Variants in TRIP13 observed in about 807,000 individuals in gnomAD.
The protein encoded by TRIP13 is pachytene checkpoint protein 2 homolog.
A neutral mutation model predicts 54.4 loss-of-function variants in TRIP13; 25 were observed. The observed-to-expected ratio is 0.46, with a 90% CI of 0.33 to 0.64. The LOEUF is 0.64. TRIP13 is among the 30% of genes least tolerant of loss of function. TRIP13 has a pLI of 0.02. For synonymous variants in TRIP13, 207 were observed against 207.8 expected (o/e 1.00, Z 0.03); for missense variants, 373 against 534.2 (o/e 0.70, Z 2.97).
In TRIP13 at chr5:907,005, G is replaced by T. The variant is rs1754128261; in HGVS notation, c.609-125G>T. 3 of 728,946 alleles carry T rather than the reference G, an allele frequency of 4.1e-6. No homozygotes were observed. The highest frequency in any genetic ancestry group is 7.2e-6 in the Non-Finnish European group (3 of 418,722). The allele number at this position is 728,946 out of a possible 1,614,324, so 45.2% of individuals were successfully genotyped here. A position where few individuals can be genotyped will look rare whatever the true frequency, so the allele number is the denominator to read the frequency against. On this transcript the variant is annotated intron_variant, in intron 6 of 12. Transcript: ENST00000166345. This position sits in a 1 kb window ranked among gnomAD's most constrained non-coding sequence, Gnocchi z 4.1. ...GGAGGGCTGGATTCCTCAATTCTTT[G>T]TCAGTAATTGTAATTCCCCCGATGC...
At chr5:901,282 TCTTGGGGACCTTTGC>T in intron 4 of TRIP13, 44 bp from the exon 5 acceptor site, 1 of 1,549,082 alleles carries the variant, frequency 6.5e-7, no homozygotes, top group Non-Finnish European at 8.9e-7. Flanking sequence ...AGGGCACATT[TCTTGGGGACCTTTGC>T]CTTGTTGGTA....
intron 5 of TRIP13, 63 bp downstream of exon 5, chr5:901,494 C>A: frequency 6.6e-7 from 1 of 1,504,642 alleles, no homozygotes; most frequent in Non-Finnish European, 9.2e-7. Context: ...TTACTTGTAC[C>A]TTCGTCCTTC....
rs1056907188 is a variant in TRIP13 at position 915,563 on chromosome 5, C to T, written c.1134-341C>T. Among the ~76,000 whole-genome samples, 6 of 151,318 alleles carry T rather than the reference C, an allele frequency of 4.0e-5. No individual in the cohort carries two copies. Among genetic ancestry groups the T allele is most frequent in the African/African-American group, 4.8e-5 (2 of 41,274 alleles). On this transcript the variant is annotated intron_variant, in intron 11 of 12. Transcript: ENST00000166345. This position sits in a 1 kb window ranked among gnomAD's most constrained non-coding sequence, Gnocchi z 4.2. ...GATGCTGGCCCTGGGGCAGAGGCTC[C>T]CGGGCAGGTGATGCCTTCCCTGAGC...
intron 9 of TRIP13, among the ~76,000 whole-genome samples, chr5:910,461 G>A (rs920500952): frequency 2.0e-5 from 3 of 152,086 alleles, no homozygotes; most frequent in Admixed American, 6.5e-5. Context: ...TAGATGCCCG[G>A]GATGCCAGGC....
chr5:907,127 CA>C lies in TRIP13; in HGVS notation c.609-2del. 2 of 1,613,566 alleles carry C rather than the reference CA, an allele frequency of 1.2e-6. No homozygotes were observed. The highest frequency in any genetic ancestry group is 2.2e-5 in the South Asian group (2 of 90,970). On this transcript the variant is annotated splice_acceptor_variant, in intron 6 of 12. Transcript: ENST00000166345. LOFTEE classifies it high-confidence loss of function. This position sits in a 1 kb window ranked among gnomAD's most constrained non-coding sequence, Gnocchi z 4.1. ...TTCTCTCAACTCCTTTTTTCTATCT[CA>C]GGTACCGATATGGCCAATTAATTGA...
rs780114634 is a variant in TRIP13 at position 911,832 on chromosome 5, G to A, written c.867-11G>A. On this transcript the variant is annotated splice_polypyrimidine_tract_variant and intron_variant, in intron 9 of 12. Coordinates refer to ENST00000166345, the MANE Select transcript of TRIP13 (RefSeq NM_004237.4). This position sits in a 1 kb window ranked among gnomAD's most constrained non-coding sequence, Gnocchi z 4.7. ...GTGATGACTGTGGTGCTTGCTTCTC[G>A]GCCACAACAGGCATTCCAATGTTGT... 4 of 1,603,182 alleles carry A rather than the reference G, an allele frequency of 2.5e-6. No homozygotes were observed. Among genetic ancestry groups the A allele is most frequent in the Non-Finnish European group, 3.4e-6 (4 of 1,175,330 alleles).
Position 907,894 on chromosome 5 carries a change from G to A in TRIP13, c.673-94G>A. 1 of 1,292,200 alleles carries A rather than the reference G, an allele frequency of 7.7e-7. No homozygotes were observed. Among genetic ancestry groups the A allele is most frequent in the Non-Finnish European group, 1.1e-6 (1 of 892,856 alleles). The allele number at this position is 1,292,200 out of a possible 1,614,324, so 80.0% of individuals were successfully genotyped here. On this transcript the variant is annotated intron_variant, in intron 7 of 12. Transcript: ENST00000166345. This position sits in a 1 kb window ranked among gnomAD's most constrained non-coding sequence, Gnocchi z 4.1. ...CCGTCAGGAGACAGTGGGCTTGTGG[G>A]GACAACTGGGGCAGCAGGCCACATC... is the stretch of plus-strand genomic sequence containing the variant.
chr5:916,094 G>A lies in TRIP13; in HGVS notation c.1203+121G>A, dbSNP rs1048889682. The A allele has an allele frequency of 4.7e-6, 5 of 1,067,086 alleles. No homozygotes were observed. In the African/African-American group the frequency reaches 4.7e-5, roughly 10 times the overall value. The allele number at this position is 1,067,086 out of a possible 1,614,324, so 66.1% of individuals were successfully genotyped here. A position where few individuals can be genotyped will look rare whatever the true frequency, so the allele number is the denominator to read the frequency against. Reference sequence around the variant, plus strand: ...TTTATCTCAGTTTCTAAACCACAGGGTCCTGGGGCCGGAGGAGGAGCTGAC... The same window carrying A: ...TTTATCTCAGTTTCTAAACCACAGGATCCTGGGGCCGGAGGAGGAGCTGAC... On this transcript the variant is annotated intron_variant, in intron 12 of 12. Coordinates refer to ENST00000166345, the MANE Select transcript of TRIP13 (RefSeq NM_004237.4).
In TRIP13 at chr5:908,249, C is replaced by T. The variant is rs1222000466; in HGVS notation, c.760-106C>T. ...AGCATCCGCAGGCTAGGCACGGGAA[C>T]ACCCATTCATTCATCTTTTTCACGT... On this transcript the variant is annotated intron_variant, in intron 8 of 12. Coordinates refer to ENST00000166345, the MANE Select transcript of TRIP13 (RefSeq NM_004237.4). This position sits in a 1 kb window ranked among gnomAD's most constrained non-coding sequence, Gnocchi z 5.2. The T allele has an allele frequency of 1.4e-6, 2 of 1,430,692 alleles. No individual in the cohort carries two copies. The highest frequency in any genetic ancestry group is 1.9e-6 in the Non-Finnish European group (2 of 1,028,390). 88.6% of individuals were successfully genotyped at this position (1,430,692 alleles called of 1,614,324 possible).
rs181515895 is a variant in TRIP13, at chr5:915,878, C to G, written c.1134-26C>G. 1.9e-6 allele frequency: 3 copies of G among 1,613,408 alleles called. No individual in the cohort carries two copies. Among genetic ancestry groups the G allele is most frequent in the Admixed American group, 3.3e-5 (2 of 60,020 alleles). On this transcript the variant is annotated intron_variant, in intron 11 of 12. Coordinates refer to ENST00000166345, the MANE Select transcript of TRIP13 (RefSeq NM_004237.4). This position sits in a 1 kb window ranked among gnomAD's most constrained non-coding sequence, Gnocchi z 4.2. ...AACGTGTGATTGTATAAATTGCTGT[C>G]TCTGAACTGGGTTTTCTTTACACAG...
intron 5 of TRIP13, 75 bp downstream of exon 5, chr5:901,506 G>A (rs1753989957): frequency 2.8e-6 from 4 of 1,433,162 alleles, no homozygotes; most frequent in Non-Finnish European, 3.9e-6. Flanking sequence ...TCGTCCTTCT[G>A]CAAGGAGTTA....
chr5:901,214 TAGG>T, intron 4 of TRIP13, 124 bp from the exon 5 acceptor site: 3 of 698,912 alleles, frequency 4.3e-6, no homozygotes, highest in South Asian at 2.0e-5. Context: ...GATGATCTCT[TAGG>T]AGGCGGCCTC....
intron 1 of TRIP13, 133 bp downstream of exon 1, chr5:893,223 C>T: frequency 1.1e-6 from 1 of 906,542 alleles, no homozygotes; most frequent in African/African-American, 1.8e-5. Context: ...CCCGACTGGA[C>T]CCGGGCGCAC....
intron 5 of TRIP13, 97 bp from the exon 6 acceptor site, chr5:904,051 A>G (rs376806157): frequency 1.4e-5 from 16 of 1,106,658 alleles, no homozygotes; most frequent in Non-Finnish European, 2.1e-5. Flanking sequence ...TTTTAACTGT[A>G]TTCCTTATAT....
At chr5:914,401 C>A in intron 10 of TRIP13, 64 bp from the exon 11 acceptor site, 1 of 1,152,542 alleles carries the variant, frequency 8.7e-7, no homozygotes, top group Non-Finnish European at 1.3e-6. Flanking sequence ...GTCCCTCTTG[C>A]TGACGGTGCC....
intron 12 of TRIP13, 147 bp from the exon 13 acceptor site, chr5:916,859 CGT>C (rs919501793): frequency 9.2e-6 from 5 of 540,770 alleles, no homozygotes; most frequent in South Asian, 3.1e-5. Flanking sequence ...GCGTCCTGGA[CGT>C]GTGTGGTGCG....
In TRIP13 at chr5:907,923, G is replaced by T; in HGVS notation, c.673-65G>T. The T allele has an allele frequency of 1.3e-6, 2 of 1,543,018 alleles. No individual in the cohort carries two copies. Among genetic ancestry groups the T allele is most frequent in the Non-Finnish European group, 1.8e-6 (2 of 1,115,672 alleles). ...AACTGGGGCAGCAGGCCACATCAGG[G>T]TCCCCCTGTGCACCTGGCAGTGTGG... On this transcript the variant is annotated intron_variant, in intron 7 of 12. Transcript: ENST00000166345. This position sits in a 1 kb window ranked among gnomAD's most constrained non-coding sequence, Gnocchi z 4.1.
Position 913,366 on chromosome 5 carries a change from G to A in TRIP13, c.1021-1099G>A, listed in dbSNP as rs1277277801. 2.0e-5 allele frequency among the ~76,000 whole-genome samples: 3 copies of A among 151,866 alleles called. No individual in the cohort carries two copies. The highest frequency in any genetic ancestry group is 2.9e-5 in the Non-Finnish European group (2 of 68,020). ...GACAGGGGTAGTTTTTTGTTTGTTT[G>A]TTTATTTTGAGACACAGTCTCACTC... is the stretch of plus-strand genomic sequence containing the variant. On this transcript the variant is annotated intron_variant, in intron 10 of 12. Coordinates refer to ENST00000166345, the MANE Select transcript of TRIP13 (RefSeq NM_004237.4). The surrounding 1 kb of genome is among the most constrained non-coding windows in gnomAD (Gnocchi z 4.5).
chr5:893,136 C>T, intron 1 of TRIP13, 46 bp downstream of exon 1: 1 of 1,497,056 alleles, frequency 6.7e-7, no homozygotes, highest in Middle Eastern at 1.7e-4. Context: ...CCACCCGCCC[C>T]GACCCCAGCG....
Sources: allele counts gnomAD v4.1 joint callset (sites outside exome capture counted in the v4.1 genomes callset), GRCh38; gene constraint gnomAD v4.1.1; non-coding constraint Gnocchi (gnomAD v3.1); transcripts MANE v1.5; gene names NCBI Gene and HGNC (gene_info 2026-07-23, HGNC 2026-07-21).